The following CHD2 variants were observed in gnomAD, a reference collection of about 807,000 sequenced individuals.
The protein encoded by CHD2 is chromodomain helicase DNA binding protein 2.
CHD2 carries 28 observed loss-of-function variants against 243.9 expected under a neutral mutation model. The observed-to-expected ratio is 0.11, with a 90% CI of 0.09 to 0.16. The LOEUF is 0.16. Ranked by LOEUF, CHD2 falls within the 10% of genes least tolerant of loss-of-function variation. The pLI is 1.00. For missense variants in CHD2, 1,386 were observed against 2,209.8 expected (o/e 0.63, Z 7.47); for synonymous variants, 775 against 779.0 (o/e 0.99, Z 0.09).
At chr15:92,908,887 G>A (rs2052673266) in intron 2 of CHD2, among the ~76,000 whole-genome samples, 1 of 152,160 alleles carries the variant, frequency 6.6e-6, no homozygotes, top group African/African-American at 2.4e-5. Flanking sequence ...GGGAGGCCCA[G>A]GCAGGCGGAT....
At chr15:92,904,405 G>C in intron 2 of CHD2, 1 of 965,236 alleles carries the variant, frequency 1.0e-6, no homozygotes, top group Non-Finnish European at 1.2e-6. Context: ...CTCCCCTGGG[G>C]GGCGGGGAGA....
chr15:92,952,832 T>C (rs1045414450), intron 13 of CHD2, among the ~76,000 whole-genome samples: 1 of 152,238 alleles, frequency 6.6e-6, no homozygotes, highest in African/African-American at 2.4e-5. Context: ...AAGTATGATC[T>C]GTAGCCTACC....
In CHD2 at chr15:93,014,816, A is replaced by G. The variant is rs770321491; in HGVS notation, c.4813A>G (p.Lys1605Glu). The part of the protein sequence containing the change: ...SHTSHNLHPQ[K>E]PHLPASHGPQ... ...TACCTCACACAACCTTCACCCTCAGAAGCCTCATTTGCCTGCCTCCCATGG... is the reference window on the plus strand; with the variant it reads ...TACCTCACACAACCTTCACCCTCAGGAGCCTCATTTGCCTGCCTCCCATGG... Residue 1605 changes from lysine (K) to glutamate (E), a missense_variant, in exon 37 of 39, where the codon AAG becomes GAG. This residue lies in a region of CHD2 where 347 missense variants were observed against 341.6 expected (regional missense o/e 1.02). Coordinates refer to ENST00000394196, the MANE Select transcript of CHD2 (RefSeq NM_001271.4). The G allele has an allele frequency of 4.3e-6, 7 of 1,614,174 alleles. No homozygotes were observed. Among genetic ancestry groups the G allele is most frequent in the Non-Finnish European group, 1.7e-6 (2 of 1,180,028 alleles).
intron 31 of CHD2, among the ~76,000 whole-genome samples, chr15:93,000,108 A>G (rs1270250448): frequency 1.3e-5 from 2 of 152,142 alleles, no homozygotes; most frequent in Non-Finnish European, 2.9e-5. Context: ...AAGACACACA[A>G]AAAATTAGCC....
chr15:92,973,726 C>T (rs1214756051), intron 19 of CHD2, among the ~76,000 whole-genome samples: 2 of 152,122 alleles, frequency 1.3e-5, no homozygotes, highest in East Asian at 3.8e-4. Flanking sequence ...CTAGGAAATC[C>T]CGTGATACCA....
chr15:92,915,033 G>A (rs2052807897), intron 2 of CHD2: 2 of 152,180 alleles, frequency 1.3e-5, no homozygotes, highest in African/African-American at 2.4e-5. Context: ...TTTAACATGA[G>A]TGACTCTATT....
intron 33 of CHD2, among the ~76,000 whole-genome samples, chr15:93,003,457 ATTTTTCTTAAAG>A (rs1382563060): frequency 6.6e-6 from 1 of 151,952 alleles, no homozygotes; most frequent in Non-Finnish European, 1.5e-5. Context: ...GAAAGACATT[ATTTTTCTTAAAG>A]TAAAATATTA....
intron 34 of CHD2, among the ~76,000 whole-genome samples, chr15:93,007,175 G>C (rs1048549478): frequency 6.6e-6 from 1 of 152,226 alleles, no homozygotes; most frequent in African/African-American, 2.4e-5. Context: ...ATGAATTCAA[G>C]TTCTGATTGC....
At chr15:92,923,890 T>C (rs1174647783) in intron 2 of CHD2, among the ~76,000 whole-genome samples, 1 of 152,134 alleles carries the variant, frequency 6.6e-6, no homozygotes, top group Non-Finnish European at 1.5e-5. Flanking sequence ...GTTCTGTGTT[T>C]TGTTTTTTTC....
At chr15:92,902,294 T>G in intron 2 of CHD2, 1 of 397,322 alleles carries the variant, frequency 2.5e-6, no homozygotes, top group Non-Finnish European at 4.4e-6. Context: ...TCTAAGATGT[T>G]TTTGTTGTAT....
chr15:92,953,303 G>T (rs1414292327), intron 13 of CHD2, 54 bp from the exon 14 acceptor site: 17 of 1,452,366 alleles, frequency 1.2e-5, no homozygotes, highest in Non-Finnish European at 1.5e-5. Flanking sequence ...TGCACATTCT[G>T]TGTTTTGGTG....
intron 2 of CHD2, among the ~76,000 whole-genome samples, chr15:92,911,967 A>T (rs931889415): frequency 6.6e-6 from 1 of 152,176 alleles, no homozygotes; most frequent in Non-Finnish European, 1.5e-5. Context: ...GATTCTAGTT[A>T]AAATGTTGCC....
intron 13 of CHD2, among the ~76,000 whole-genome samples, chr15:92,952,576 A>T (rs1260385416): frequency 6.6e-6 from 1 of 152,160 alleles, no homozygotes; most frequent in Non-Finnish European, 1.5e-5. Context: ...TCATGCTCCT[A>T]TGAGAATCTA....
At chr15:93,020,629 C>T (rs1037437278) in intron 38 of CHD2, 8 of 399,324 alleles carry the variant, frequency 2.0e-5, no homozygotes, top group African/African-American at 1.2e-4. Context: ...TGCCACGAGC[C>T]CATAATTGAA....
At chr15:92,971,438 T>C (rs1300873429) in intron 17 of CHD2, among the ~76,000 whole-genome samples, 1 of 151,872 alleles carries the variant, frequency 6.6e-6, no homozygotes, top group Non-Finnish European at 1.5e-5. Context: ...ATATGTAAAA[T>C]GTATGTATGT....
chr15:93,024,819 C>T lies in CHD2; in HGVS notation c.*114C>T, dbSNP rs2054573016. The stretch of plus-strand genomic sequence containing the variant: ...AAGTGGAGTTTTGGACATGCTGCTG[C>T]TGTCAACTCACTGGCTGAAGGAGCA... On this transcript the variant is annotated 3_prime_UTR_variant, in exon 39 of 39. Transcript: ENST00000394196. 5 of 876,358 alleles carry T rather than the reference C, an allele frequency of 5.7e-6. No homozygotes were observed. Among genetic ancestry groups the T allele is most frequent in the Non-Finnish European group, 1.7e-6 (1 of 580,734 alleles). 54.3% of individuals were successfully genotyped at this position (876,358 alleles called of 1,614,324 possible). A position where few individuals can be genotyped will look rare whatever the true frequency, so the allele number is the denominator to read the frequency against.
Position 92,937,806 on chromosome 15 carries a change from G to A in CHD2, c.551+181G>A, listed in dbSNP as rs35710180. Among the ~76,000 whole-genome samples, 7,571 of 152,194 alleles carry A rather than the reference G, an allele frequency of 0.05. 229 individuals carry two copies. Among genetic ancestry groups the A allele is most frequent in the Non-Finnish European group, 0.072 (4,862 of 67,984 alleles). Reference sequence around the variant, plus strand: ...TGCAGGTCTTACTGCTTCTTTCTTCGCAGACTGGCTATCGTGGGGCAAACA... The same window carrying A: ...TGCAGGTCTTACTGCTTCTTTCTTCACAGACTGGCTATCGTGGGGCAAACA... On this transcript the variant is annotated intron_variant, in intron 6 of 38. Transcript: ENST00000394196.
intron 2 of CHD2, among the ~76,000 whole-genome samples, chr15:92,907,894 A>C (rs1439209549): frequency 1.3e-5 from 2 of 152,090 alleles, no homozygotes; most frequent in Non-Finnish European, 2.9e-5. Context: ...TTGGCCTACC[A>C]GGAGAGTTTG....
intron 5 of CHD2, among the ~76,000 whole-genome samples, chr15:92,935,240 G>A (rs551544373): frequency 1.4e-3 from 216 of 152,200 alleles, no homozygotes; most frequent in Non-Finnish European, 1.3e-3. Context: ...GTTTCACCAC[G>A]TTAGCCAGGA....
Sources: allele counts gnomAD v4.1 joint callset (sites outside exome capture counted in the v4.1 genomes callset), GRCh38; gene constraint gnomAD v4.1.1; regional missense constraint gnomAD v4.1.1; transcripts MANE v1.5; gene names NCBI Gene and HGNC (gene_info 2026-07-23, HGNC 2026-07-21).